The following HADHA variants were observed in gnomAD, a reference collection of about 807,000 sequenced individuals.
The protein encoded by HADHA is hydroxyacyl-CoA dehydrogenase trifunctional multienzyme complex subunit alpha, also known as trifunctional enzyme subunit alpha, mitochondrial.
A neutral mutation model predicts 91.3 loss-of-function variants in HADHA; 59 were observed. That is an observed-to-expected ratio of 0.65 (90% CI 0.52 to 0.80). HADHA has a LOEUF of 0.80. HADHA is among the 30% of genes least tolerant of loss of function. HADHA has a pLI of 0.00. For missense variants in HADHA, 800 were observed against 927.6 expected (o/e 0.86, Z 1.79); for synonymous variants, 320 against 338.9 (o/e 0.94, Z 0.61).
At chr2:26,192,750 A>C (rs2147750977) in intron 17 of HADHA, among the ~76,000 whole-genome samples, 1 of 152,266 alleles carries the variant, frequency 6.6e-6, no homozygotes, top group East Asian at 1.9e-4. Flanking sequence ...AAAACAAAAA[A>C]CAAACAAAAA....
chr2:26,237,949 T>C (rs1286233220), intron 3 of HADHA, among the ~76,000 whole-genome samples: 4 of 152,232 alleles, frequency 2.6e-5, no homozygotes, highest in Non-Finnish European at 4.4e-5. Flanking sequence ...TAATTTGTGA[T>C]AGTTGTCAAC....
chr2:26,218,594 A>G (rs895011416), intron 7 of HADHA, among the ~76,000 whole-genome samples: 10 of 152,242 alleles, frequency 6.6e-5, no homozygotes, highest in Admixed American at 1.3e-4. Flanking sequence ...AAATATACCA[A>G]TATATACAAG....
intron 7 of HADHA, among the ~76,000 whole-genome samples, chr2:26,216,181 A>G (rs1319893211): frequency 6.6e-6 from 1 of 152,204 alleles, no homozygotes; most frequent in Non-Finnish European, 1.5e-5. Flanking sequence ...AAAAGTCTGT[A>G]AGAGCCACAT....
chr2:26,239,655 T>C (rs964786987), intron 1 of HADHA, among the ~76,000 whole-genome samples: 5 of 151,648 alleles, frequency 3.3e-5, no homozygotes, highest in Non-Finnish European at 2.9e-5. Flanking sequence ...CCCCAGTTCC[T>C]TATGGAAAGG....
At chr2:26,236,380 C>CTG (rs201544302) in intron 4 of HADHA, among the ~76,000 whole-genome samples, 2,000 of 110,896 alleles carry the variant, frequency 0.018, 50 homozygotes, top group East Asian at 0.096. Context: ...TATATATACT[C>CTG]TGTGTGTGTG....
rs780480297 is a variant in HADHA, at chr2:26,194,584, T to C, written c.1675A>G (p.Ile559Val). 29 of 1,608,946 alleles carry C rather than the reference T, an allele frequency of 1.8e-5. No homozygotes were observed. In the Admixed American group the frequency reaches 4.7e-4, roughly 26 times the overall value. Reference sequence around the variant, plus strand: ...GCAATACCAACCTGGAGGATTCGGATGACTTCAGACATCATGGGCGCAAGA... The same window carrying C: ...GCAATACCAACCTGGAGGATTCGGACGACTTCAGACATCATGGGCGCAAGA... Reference protein sequence around the residue: ...RCLAPMMSEVIRILQEGVDPK... With the variant: ...RCLAPMMSEVVRILQEGVDPK... Residue 559 changes from isoleucine to valine, a missense_variant, in exon 16 of 20, where the codon ATC becomes GTC. Ile to Val is a conservative substitution (Grantham distance 29). Coordinates refer to ENST00000380649, the MANE Select transcript of HADHA (RefSeq NM_000182.5).
intron 4 of HADHA, 134 bp from the exon 5 acceptor site, chr2:26,234,489 A>C (rs187699494): frequency 1.2e-6 from 1 of 819,666 alleles, no homozygotes; most frequent in East Asian, 2.7e-5. Context: ...GAAGGTTAAG[A>C]ATGATTTTGC....
intron 7 of HADHA, among the ~76,000 whole-genome samples, chr2:26,223,757 A>T (rs557677545): frequency 7.2e-5 from 11 of 151,868 alleles, no homozygotes; most frequent in South Asian, 4.2e-4. Context: ...TTATTTATTT[A>T]TTTTTTTGAG....
chr2:26,206,670 C>G (rs1022588722), intron 11 of HADHA, among the ~76,000 whole-genome samples: 3 of 152,148 alleles, frequency 2.0e-5, no homozygotes, highest in African/African-American at 4.8e-5. Flanking sequence ...AGTAATTCTA[C>G]TCGTCATTAT....
intron 13 of HADHA, among the ~76,000 whole-genome samples, chr2:26,200,241 AG>A (rs1348131884): frequency 1.3e-5 from 2 of 152,166 alleles, no homozygotes; most frequent in Non-Finnish European, 2.9e-5. Context: ...CATGTTGCCA[AG>A]TCAGAATCAT....
chr2:26,244,439 C>A (rs1671023029), intron 1 of HADHA, 91 bp downstream of exon 1: 1 of 1,294,024 alleles, frequency 7.7e-7, no homozygotes, highest in Non-Finnish European at 1.1e-6. Flanking sequence ...CTGGGGCAGG[C>A]GGCAGCGAAA....
intron 7 of HADHA, among the ~76,000 whole-genome samples, chr2:26,227,376 G>A (rs1017021145): frequency 2.0e-5 from 3 of 152,120 alleles, no homozygotes; most frequent in African/African-American, 7.2e-5. Context: ...GTTGGACATG[G>A]TGGTGGGCGC....
At chr2:26,211,856 C>T (rs1425583902) in intron 10 of HADHA, 1 of 152,350 alleles carries the variant, frequency 6.6e-6, no homozygotes, top group Non-Finnish European at 1.5e-5. Context: ...TTTCCTTTTC[C>T]AATTTACCAA....
chr2:26,229,179 A>G lies in HADHA; in HGVS notation c.676+1013T>C, dbSNP rs914261881. Among the ~76,000 whole-genome samples the G allele has an allele frequency of 3.9e-5, 6 of 151,910 alleles. No individual in the cohort carries two copies. Among genetic ancestry groups the G allele is most frequent in the African/African-American group, 1.5e-4 (6 of 41,316 alleles). On this transcript the variant is annotated intron_variant, in intron 7 of 19. Coordinates refer to ENST00000380649, the MANE Select transcript of HADHA (RefSeq NM_000182.5). The surrounding 1 kb of genome is among the most constrained non-coding windows in gnomAD (Gnocchi z 4.3). The stretch of plus-strand genomic sequence containing the variant: ...ACAGAGTGAGATCTCGTTTCTACAA[A>G]AAATAAAAAATTAGCTGGTGTAGCA...
intron 13 of HADHA, among the ~76,000 whole-genome samples, chr2:26,200,258 G>A (rs1052518916): frequency 2.0e-5 from 3 of 152,112 alleles, no homozygotes; most frequent in African/African-American, 7.2e-5. Context: ...ATCATTTCAT[G>A]TTCACCTTTC....
intron 11 of HADHA, among the ~76,000 whole-genome samples, chr2:26,207,820 G>A (rs2147765310): frequency 6.6e-6 from 1 of 152,252 alleles, no homozygotes; most frequent in East Asian, 1.9e-4. Context: ...CTGATGGAAT[G>A]CGTTATTCAT....
intron 13 of HADHA, among the ~76,000 whole-genome samples, chr2:26,200,677 A>G (rs1394367013): frequency 3.3e-5 from 5 of 152,152 alleles, no homozygotes; most frequent in African/African-American, 1.2e-4. Context: ...TTTGACCTTT[A>G]TAACATATGC....
chr2:26,191,535 T>A lies in HADHA; in HGVS notation c.2094A>T (p.Ala698=), dbSNP rs757938383. 1.2e-6 allele frequency: 2 copies of A among 1,614,180 alleles called. No individual in the cohort carries two copies. The change falls in exon 19 of 20, where the codon GCA becomes GCT. Residue 698 remains alanine (A), a synonymous_variant. Transcript: ENST00000380649. ...CAAAGACGGCTCCGATGTCTCCCTC[T>A]GCAGGTGTGGCCAAGATCCCCTCTT... ...CLQEGILATP[A]EGDIGAVFGL...
intron 4 of HADHA, among the ~76,000 whole-genome samples, chr2:26,236,339 ATGTGTG>A (rs752287719): frequency 9.1e-6 from 1 of 109,854 alleles, no homozygotes; most frequent in African/African-American, 3.4e-5. Flanking sequence ...AGATCACATG[ATGTGTG>A]TGTGTGTGTG....
Sources: allele counts gnomAD v4.1 joint callset (sites outside exome capture counted in the v4.1 genomes callset), GRCh38; gene constraint gnomAD v4.1.1; non-coding constraint Gnocchi (gnomAD v3.1); transcripts MANE v1.5; gene names NCBI Gene and HGNC (gene_info 2026-07-23, HGNC 2026-07-21).